The following PIP5K1B variants were observed in gnomAD, a reference collection of about 807,000 sequenced individuals.
PIP5K1B encodes phosphatidylinositol-4-phosphate 5-kinase type 1 beta.
In PIP5K1B, 42 loss-of-function variants were observed where a neutral mutation model predicts 67.0. That is an observed-to-expected ratio of 0.63 (90% CI 0.49 to 0.81). The LOEUF (loss-of-function observed/expected upper bound fraction) is 0.81, where lower values mean the gene tolerates loss of function less well. Ranked by LOEUF, PIP5K1B falls within the 30% of genes least tolerant of loss-of-function variation. PIP5K1B has a pLI of 0.00. For synonymous variants in PIP5K1B, 214 were observed against 231.4 expected, an observed-to-expected ratio of 0.92 and a Z score of 0.68; for missense variants, 459 against 646.3, an observed-to-expected ratio of 0.71 and a Z score of 3.14.
intron 11 of PIP5K1B, among the ~76,000 whole-genome samples, chr9:68,922,830 T>A (rs1195077421): frequency 6.6e-6 from 1 of 152,242 alleles, no homozygotes; most frequent in Non-Finnish European, 1.5e-5. Context: ...TATTGGGAGA[T>A]GAAACCAGAA....
At chr9:68,891,406 C>A (rs1824778087) in intron 7 of PIP5K1B, among the ~76,000 whole-genome samples, 1 of 150,968 alleles carries the variant, frequency 6.6e-6, no homozygotes, top group African/African-American at 2.4e-5. Context: ...AATTCAACAT[C>A]TTCACTTAAT....
intron 4 of PIP5K1B, among the ~76,000 whole-genome samples, chr9:68,860,901 C>T (rs1322339945): frequency 6.6e-6 from 1 of 152,194 alleles, no homozygotes; most frequent in Non-Finnish European, 1.5e-5. Flanking sequence ...AGTTGCTAAA[C>T]CTTCCTGAGC....
At chr9:68,915,207 C>T (rs962659083) in intron 8 of PIP5K1B, among the ~76,000 whole-genome samples, 2 of 152,260 alleles carry the variant, frequency 1.3e-5, no homozygotes, top group Middle Eastern at 3.4e-3. Context: ...CTTCATCCCT[C>T]ATCCCCCATG....
intron 11 of PIP5K1B, among the ~76,000 whole-genome samples, chr9:68,921,560 G>A (rs555612440): frequency 1.3e-5 from 2 of 152,060 alleles, no homozygotes; most frequent in African/African-American, 4.8e-5. Context: ...CCAACCAGGT[G>A]CATCTAAGGG....
chr9:68,896,991 G>A (rs1043178264), intron 8 of PIP5K1B, among the ~76,000 whole-genome samples: 1 of 152,052 alleles, frequency 6.6e-6, no homozygotes, highest in Non-Finnish European at 1.5e-5. Context: ...TCTCTCTTCA[G>A]GTCATCCTCT....
intron 2 of PIP5K1B, chr9:68,783,912 A>T (rs1445569501): frequency 1.3e-5 from 2 of 152,500 alleles, no homozygotes; most frequent in South Asian, 4.9e-4. Context: ...TCTCATGAGT[A>T]TGCCAAAATG....
At position 68,920,008 on chromosome 9, in the gene PIP5K1B, T is replaced by C. The variant is rs966045221; in HGVS notation, c.1116+279T>C. Among the ~76,000 whole-genome samples the C allele has an allele frequency of 4.6e-5, 7 of 152,160 alleles. No homozygotes were observed. In the East Asian group the frequency reaches 1.3e-3, roughly 29 times the overall value. On this transcript the variant is annotated intron_variant, in intron 11 of 15. Coordinates refer to ENST00000265382, the MANE Select transcript of PIP5K1B (RefSeq NM_003558.4). ...CCAAAGGACCTAACTTTGAGAGAGG[T>C]CTTTTTTTGTAGGGATGATCAGTAG...
At chr9:68,741,413 T>G (rs1829001516) in intron 1 of PIP5K1B, among the ~76,000 whole-genome samples, 1 of 152,168 alleles carries the variant, frequency 6.6e-6, no homozygotes, top group Non-Finnish European at 1.5e-5. Flanking sequence ...GTAAGTACAG[T>G]CAGTTGATTC....
chr9:68,863,018 CT>C (rs1351352808), intron 4 of PIP5K1B, among the ~76,000 whole-genome samples: 4 of 151,950 alleles, frequency 2.6e-5, no homozygotes, highest in Non-Finnish European at 5.9e-5. Flanking sequence ...AAGAAAGTAT[CT>C]TTTCTATAAA....
At chr9:68,934,174 G>A (rs906209593) in intron 12 of PIP5K1B, among the ~76,000 whole-genome samples, 1 of 152,316 alleles carries the variant, frequency 6.6e-6, no homozygotes, top group African/African-American at 2.4e-5. Flanking sequence ...TTCCATGGAC[G>A]TGTCCTCCAT....
At chr9:68,714,458 T>A (rs1827539600) in intron 1 of PIP5K1B, among the ~76,000 whole-genome samples, 1 of 152,212 alleles carries the variant, frequency 6.6e-6, no homozygotes, top group Admixed American at 6.5e-5. Flanking sequence ...TTCTTGTCTC[T>A]CTGCAGGACT....
chr9:68,714,855 G>A (rs1160602120), intron 1 of PIP5K1B, among the ~76,000 whole-genome samples: 2 of 152,192 alleles, frequency 1.3e-5, no homozygotes, highest in Non-Finnish European at 2.9e-5. Context: ...GTTCTTAAGA[G>A]TTCTCCGGCA....
At chr9:68,935,188 C>CG (rs1319567547) in intron 13 of PIP5K1B, 143 bp downstream of exon 13, 3 of 678,238 alleles carry the variant, frequency 4.4e-6, no homozygotes, top group Admixed American at 3.0e-5. Flanking sequence ...CTGCAGTGGC[C>CG]GGGCGCAGTG....
intron 2 of PIP5K1B, among the ~76,000 whole-genome samples, chr9:68,792,535 A>T (rs552055550): frequency 3.9e-5 from 6 of 152,158 alleles, no homozygotes; most frequent in Admixed American, 6.5e-5. Flanking sequence ...GTTGGAGTGC[A>T]GTGGCGCGAT....
chr9:68,790,817 A>G (rs1470380542), intron 2 of PIP5K1B, among the ~76,000 whole-genome samples: 2 of 152,224 alleles, frequency 1.3e-5, no homozygotes, highest in Admixed American at 1.3e-4. Context: ...TTGATTTTGC[A>G]TCAGCGGTTC....
At chr9:68,917,050 T>C (rs1321845201) in intron 8 of PIP5K1B, among the ~76,000 whole-genome samples, 1 of 152,170 alleles carries the variant, frequency 6.6e-6, no homozygotes, top group Admixed American at 6.5e-5. Context: ...GACTATTGGT[T>C]GTTGGTTTCT....
intron 14 of PIP5K1B, among the ~76,000 whole-genome samples, chr9:68,972,186 G>A (rs1365227930): frequency 6.6e-6 from 1 of 152,174 alleles, no homozygotes; most frequent in African/African-American, 2.4e-5. Flanking sequence ...AAGGGGTCCA[G>A]TTTCAGTTTT....
At chr9:68,994,725 A>G (rs1010135945) in intron 15 of PIP5K1B, among the ~76,000 whole-genome samples, 6 of 152,196 alleles carry the variant, frequency 3.9e-5, no homozygotes, top group Non-Finnish European at 8.8e-5. Flanking sequence ...ACCTGTTGCA[A>G]AACCAAGTGA....
At chr9:68,789,573 A>G (rs1831841710) in intron 2 of PIP5K1B, 1 of 479,414 alleles carries the variant, frequency 2.1e-6, no homozygotes, top group Admixed American at 2.3e-5. Context: ...TTGCACCTCA[A>G]AAAAGTATTC....
Sources: gnomAD v4.1 joint callset for allele counts (sites outside exome capture counted in the v4.1 genomes callset) on GRCh38, gnomAD v4.1.1 for gene constraint, MANE v1.5 for transcripts, NCBI Gene and HGNC (gene_info 2026-07-23, HGNC 2026-07-21) for gene names.